ASCC1: variants seen among roughly 807,000 people sequenced by gnomAD.
The protein encoded by ASCC1 is ASC-1 complex subunit P50.
ASCC1 carries 35 observed loss-of-function variants against 46.6 expected under a neutral mutation model. That is an observed-to-expected ratio of 0.75 (90% CI 0.57 to 0.99). The LOEUF (loss-of-function observed/expected upper bound fraction) is 0.99. ASCC1 is among the 50% of genes least tolerant of loss of function. The pLI is 0.00. For synonymous variants in ASCC1, 143 were observed against 146.6 expected, an observed-to-expected ratio of 0.98 and a Z score of 0.18; for missense variants, 376 against 428.7, an observed-to-expected ratio of 0.88 and a Z score of 1.09.
intron 9 of ASCC1, among the ~76,000 whole-genome samples, chr10:72,112,912 C>T (rs1392327844): frequency 7.0e-6 from 1 of 141,954 alleles, no homozygotes; most frequent in African/African-American, 2.6e-5. Context: ...CCCCAACATA[C>T]AATGGACCCA....
chr10:72,142,644 G>A (rs1019359607), intron 7 of ASCC1, among the ~76,000 whole-genome samples: 1 of 151,992 alleles, frequency 6.6e-6, no homozygotes, highest in African/African-American at 2.4e-5. Context: ...TGGGATTACA[G>A]GTGTGAGGCA....
At position 72,102,340 on chromosome 10, in the gene ASCC1, GCTCT is replaced by G. The variant is rs1482359941; in HGVS notation, c.958-4894_958-4891del. 5 of 1,548,964 alleles carry G rather than the reference GCTCT, an allele frequency of 3.2e-6. No homozygotes were observed. The East Asian group carries it at 7.3e-5, about 23-fold the overall frequency. On this transcript the variant is annotated intron_variant, in intron 9 of 9. Transcript: ENST00000672957. ...ACTCACGGCTGTATCTTACCCACTA[GCTCT>G]CTGTGTCCCAAGCCCTTCTCGATTC... is the stretch of plus-strand genomic sequence containing the variant.
intron 9 of ASCC1, among the ~76,000 whole-genome samples, chr10:72,111,481 T>C (rs1842914185): frequency 6.6e-6 from 1 of 151,720 alleles, no homozygotes; most frequent in Non-Finnish European, 1.5e-5. Flanking sequence ...AGCAAGACCC[T>C]ATCTCAAAAA....
intron 9 of ASCC1, among the ~76,000 whole-genome samples, chr10:72,100,800 T>C (rs1326865010): frequency 6.6e-6 from 1 of 152,166 alleles, no homozygotes; most frequent in African/African-American, 2.4e-5. Flanking sequence ...ACTGTAACAT[T>C]ATCTAGTAGA....
chr10:72,160,980 G>A (rs1849615736), intron 6 of ASCC1, among the ~76,000 whole-genome samples: 1 of 151,884 alleles, frequency 6.6e-6, no homozygotes, highest in Admixed American at 6.6e-5. Flanking sequence ...CTACTCAGGA[G>A]GCTGAGGCAG....
At chr10:72,200,415 C>T (rs926045309) in intron 4 of ASCC1, among the ~76,000 whole-genome samples, 1 of 151,988 alleles carries the variant, frequency 6.6e-6, no homozygotes, top group Non-Finnish European at 1.5e-5. Flanking sequence ...CTTTGGGAGG[C>T]TGAGGCTGGC....
chr10:72,165,551 T>G (rs781741411), intron 5 of ASCC1, among the ~76,000 whole-genome samples: 4 of 152,264 alleles, frequency 2.6e-5, no homozygotes, highest in Non-Finnish European at 5.9e-5. Flanking sequence ...CAAGTATGAA[T>G]AGCTTACATC....
intron 5 of ASCC1, among the ~76,000 whole-genome samples, chr10:72,169,553 G>A (rs990987590): frequency 1.3e-5 from 2 of 152,088 alleles, no homozygotes; most frequent in African/African-American, 4.8e-5. Context: ...AAAAAACACA[G>A]GACAAATAAA....
chr10:72,139,994 G>A (rs1022257364), intron 7 of ASCC1, among the ~76,000 whole-genome samples: 8 of 152,182 alleles, frequency 5.3e-5, no homozygotes, highest in African/African-American at 1.7e-4. Context: ...TTTAAAAGTG[G>A]AAGAGATTAT....
chr10:72,156,060 C>T (rs553158423), intron 6 of ASCC1, among the ~76,000 whole-genome samples: 4 of 152,182 alleles, frequency 2.6e-5, no homozygotes, highest in African/African-American at 9.6e-5. Context: ...AATTGTAATC[C>T]CTAATGTTGG....
chr10:72,127,985 G>A (rs1845086724), intron 9 of ASCC1, 97 bp downstream of exon 9: 1 of 965,316 alleles, frequency 1.0e-6, no homozygotes, highest in Admixed American at 1.8e-5. Context: ...GAAAAAGTAT[G>A]AAGAAGTATG....
At chr10:72,216,468 C>T (rs1859353351), upstream of ASCC1, among the ~76,000 whole-genome samples, 1 of 36,742 alleles carries the variant, frequency 2.7e-5, no homozygotes, top group African/African-American at 1.3e-4. Context: ...CGCCCACCCC[C>T]GCCCCGTTCC....
intron 7 of ASCC1, among the ~76,000 whole-genome samples, chr10:72,144,133 C>T (rs1330322347): frequency 2.6e-5 from 4 of 152,000 alleles, no homozygotes; most frequent in African/African-American, 7.3e-5. Flanking sequence ...CCTGCCACCA[C>T]GCCCAGCTAA....
intron 9 of ASCC1, among the ~76,000 whole-genome samples, chr10:72,110,202 ATTATTCAT>A (rs1214839326): frequency 7.2e-5 from 11 of 152,206 alleles, no homozygotes; most frequent in Admixed American, 1.3e-4. Flanking sequence ...TCCCTCAGGT[ATTATTCAT>A]AATGGTCCCT....
chr10:72,099,638 T>G (rs192661993), intron 9 of ASCC1, among the ~76,000 whole-genome samples: 2 of 152,260 alleles, frequency 1.3e-5, no homozygotes, highest in Non-Finnish European at 2.9e-5. Context: ...CTGCCCTACA[T>G]GGAGAAACCC....
At position 72,210,864 on chromosome 10, in the gene ASCC1, C is replaced by G. The variant is rs773236895; in HGVS notation, c.113-33G>C. 5 of 1,603,392 alleles carry G rather than the reference C, an allele frequency of 3.1e-6. 1 individual carries two copies. In the South Asian group the frequency reaches 5.5e-5, roughly 18 times the overall value. ...GAAACCATCACATCTCACTCAGAAA[C>G]AATGTTGCTCTGTGGACAACAGCTT... On this transcript the variant is annotated intron_variant, in intron 2 of 9. Coordinates refer to ENST00000672957, the MANE Select transcript of ASCC1 (RefSeq NM_001198800.3).
chr10:72,154,731 A>C (rs1448976699), intron 6 of ASCC1, among the ~76,000 whole-genome samples: 2 of 152,150 alleles, frequency 1.3e-5, no homozygotes, highest in African/African-American at 4.8e-5. Flanking sequence ...GGCTGAAGAC[A>C]TCTGCCTGCC....
At chr10:72,152,765 C>A (rs1331452315) in intron 7 of ASCC1, 104 bp downstream of exon 7, 5 of 1,360,548 alleles carry the variant, frequency 3.7e-6, no homozygotes, top group Non-Finnish European at 5.2e-6. Context: ...TTAACATGTT[C>A]TTTACAATAA....
chr10:72,213,485 A>C (rs76088137), intron 1 of ASCC1, 154 bp from the exon 2 acceptor site: 1 of 605,020 alleles, frequency 1.7e-6, no homozygotes, highest in South Asian at 1.7e-5. Context: ...CCCATCTGTA[A>C]ACCAGTTTAG....
Sources: gnomAD v4.1 joint callset for allele counts (sites outside exome capture counted in the v4.1 genomes callset) on GRCh38, gnomAD v4.1.1 for gene constraint, MANE v1.5 for transcripts, NCBI Gene and HGNC (gene_info 2026-07-23, HGNC 2026-07-21) for gene names.